The following MALRD1 variants were observed in gnomAD, a reference collection of about 807,000 sequenced individuals.
The protein encoded by MALRD1 is MAM and LDL-receptor class A domain-containing protein 1.
Under a neutral mutation model 242.1 loss-of-function variants are expected in MALRD1, and 247 were observed. That is an observed-to-expected ratio of 1.02 (90% CI 0.92 to 1.13). MALRD1 has a LOEUF of 1.13. Among genes scored for constraint, MALRD1 ranks in the 50% most tolerant of loss-of-function variants. The pLI is 0.00. For missense variants in MALRD1, 2,989 were observed against 2,533.1 expected, an observed-to-expected ratio of 1.18 and a Z score of -3.86; for synonymous variants, 995 against 866.6, an observed-to-expected ratio of 1.15 and a Z score of -2.60.
rs1835152973 is a variant in MALRD1, at chr10:19,071,686, TG to T, written c.340+4828del. Among the ~76,000 whole-genome samples, 4 of 152,124 alleles carry T rather than the reference TG, an allele frequency of 2.6e-5. No individual in the cohort carries two copies. In the South Asian group the frequency reaches 8.3e-4, roughly 32 times the overall value. On this transcript the variant is annotated intron_variant, in intron 2 of 39. Coordinates refer to ENST00000454679, the MANE Select transcript of MALRD1 (RefSeq NM_001142308.3). The stretch of plus-strand genomic sequence containing the variant: ...TATGTTGCCCTTTCTGAAGGGAAAC[TG>T]AGCCATAATCCATTCCTAAGTAATA...
intron 11 of MALRD1, among the ~76,000 whole-genome samples, chr10:19,149,264 C>G (rs540908436): frequency 6.6e-6 from 1 of 152,162 alleles, no homozygotes; most frequent in East Asian, 1.9e-4. Context: ...TACAGGTGCA[C>G]ACCACCACGC....
Position 19,088,105 on chromosome 10 carries a change from C to G in MALRD1, c.517C>G (p.His173Asp). 3 of 1,233,534 alleles carry G rather than the reference C, an allele frequency of 2.4e-6. No homozygotes were observed. The highest frequency in any genetic ancestry group is 2.0e-6 in the Non-Finnish European group (2 of 987,888). 76.4% of individuals were successfully genotyped at this position (1,233,534 alleles called of 1,614,324 possible). A position where few individuals can be genotyped will look rare whatever the true frequency, so the allele number is the denominator to read the frequency against. The change falls in exon 4 of 40, where the codon CAT (histidine) becomes GAT (aspartate). Residue 173 changes from histidine (H) to aspartate (D), a missense_variant. Physicochemically the swap from His to Asp is moderately conservative, Grantham distance 81 (BLOSUM62 -1). Transcript: ENST00000454679. ...LQTACGGPIQ[H>D]LWQNTAALPN... Reference sequence around the variant, plus strand: ...AACTGCATGTGGAGGTCCTATTCAGCATTTATGGCAAAACACAGCTGCACT... The same window carrying G: ...AACTGCATGTGGAGGTCCTATTCAGGATTTATGGCAAAACACAGCTGCACT...
At chr10:19,678,132 G>C (rs1278659460) in intron 36 of MALRD1, among the ~76,000 whole-genome samples, 3 of 152,116 alleles carry the variant, frequency 2.0e-5, no homozygotes, top group Non-Finnish European at 4.4e-5. Context: ...TTTTATCTTA[G>C]GATTGTCTTG....
chr10:19,669,566 G>A (rs570868996), intron 36 of MALRD1, among the ~76,000 whole-genome samples: 1 of 152,138 alleles, frequency 6.6e-6, no homozygotes, highest in Admixed American at 6.5e-5. Flanking sequence ...GGTACTCATA[G>A]TTTATCTAAT....
intron 26 of MALRD1, among the ~76,000 whole-genome samples, chr10:19,364,378 A>G (rs1845024751): frequency 6.6e-6 from 1 of 152,140 alleles, no homozygotes; most frequent in South Asian, 2.1e-4. Context: ...TATCACAAAT[A>G]TGTTCCTTAG....
intron 34 of MALRD1, among the ~76,000 whole-genome samples, chr10:19,601,551 A>G (rs1838342152): frequency 6.6e-6 from 1 of 152,092 alleles, no homozygotes; most frequent in South Asian, 2.1e-4. Flanking sequence ...CAAATTTCAT[A>G]AAGCCAAAGT....
chr10:19,266,482 C>A (rs963198800), intron 19 of MALRD1, among the ~76,000 whole-genome samples: 1 of 151,752 alleles, frequency 6.6e-6, no homozygotes, highest in African/African-American at 2.4e-5. Context: ...TAATTCCATA[C>A]AAAAATCCTA....
chr10:19,489,938 G>A (rs2131212083), intron 29 of MALRD1, among the ~76,000 whole-genome samples: 1 of 152,242 alleles, frequency 6.6e-6, no homozygotes, highest in South Asian at 2.1e-4. Context: ...GCTGTGAAAG[G>A]TCAAAAATTT....
intron 29 of MALRD1, among the ~76,000 whole-genome samples, chr10:19,463,436 G>A (rs4748583): frequency 0.81 from 123,498 of 151,652 alleles, 50,477 homozygotes; most frequent in East Asian, 1. Context: ...ACGAGTAAGA[G>A]CATAGGATGT....
chr10:19,731,851 A>C (rs1835310113), intron 39 of MALRD1, among the ~76,000 whole-genome samples: 1 of 152,224 alleles, frequency 6.6e-6, no homozygotes, highest in Non-Finnish European at 1.5e-5. Flanking sequence ...CTCTTTCTTT[A>C]TGAAAATAGG....
chr10:19,207,869 A>G (rs1836856693), intron 17 of MALRD1, among the ~76,000 whole-genome samples: 1 of 152,212 alleles, frequency 6.6e-6, no homozygotes, highest in South Asian at 2.1e-4. Context: ...TAGAACAATT[A>G]TAACAATATG....
At chr10:19,063,980 A>G (rs1192717027) in intron 1 of MALRD1, among the ~76,000 whole-genome samples, 1 of 151,772 alleles carries the variant, frequency 6.6e-6, no homozygotes, top group Non-Finnish European at 1.5e-5. Context: ...AATTAAAAAT[A>G]TTTTTCTTTC....
chr10:19,659,679 A>G (rs914028975), intron 36 of MALRD1, among the ~76,000 whole-genome samples: 2 of 152,076 alleles, frequency 1.3e-5, no homozygotes, highest in Non-Finnish European at 2.9e-5. Flanking sequence ...TTCTAACATA[A>G]TTGTAAGATT....
At chr10:19,518,095 C>T (rs1351393177) in intron 31 of MALRD1, among the ~76,000 whole-genome samples, 8 of 152,148 alleles carry the variant, frequency 5.3e-5, no homozygotes, top group Admixed American at 2.6e-4. Context: ...TGCCTTATTT[C>T]GGAATATTGT....
intron 21 of MALRD1, among the ~76,000 whole-genome samples, chr10:19,292,080 C>CAAAAAAAAAAAAAAAAAAA (rs756211363): frequency 1.1e-5 from 1 of 88,036 alleles, no homozygotes; most frequent in Non-Finnish European, 2.2e-5. Context: ...AAGACCGTCT[C>CAAAAAAAAAAAAAAAAAAA]AAAAAAAAAA....
At chr10:19,691,883 G>A (rs1231154379) in intron 36 of MALRD1, among the ~76,000 whole-genome samples, 2 of 152,084 alleles carry the variant, frequency 1.3e-5, no homozygotes, top group African/African-American at 4.8e-5. Flanking sequence ...ATTTGAATCT[G>A]CTCTGTTGGT....
intron 36 of MALRD1, among the ~76,000 whole-genome samples, chr10:19,628,085 G>A (rs1048866034): frequency 2.8e-4 from 43 of 151,854 alleles, no homozygotes; most frequent in Middle Eastern, 3.4e-3. Context: ...AAAGTAAGTC[G>A]TTGATATCCT....
chr10:19,501,410 A>G lies in MALRD1; in HGVS notation c.5320+2764A>G, dbSNP rs146978350. Among the ~76,000 whole-genome samples the G allele has an allele frequency of 2.3e-3, 343 of 152,336 alleles. 3 individuals carry two copies. Among genetic ancestry groups the G allele is most frequent in the Admixed American group, 5.9e-3 (91 of 15,300 alleles). On this transcript the variant is annotated intron_variant, in intron 31 of 39. Transcript: ENST00000454679. Reference sequence around the variant, plus strand: ...AACCCAGAGAAACAGCCTGGAAGCCAAGGTAACTTGTAAAATCCACAATGT... The same window carrying G: ...AACCCAGAGAAACAGCCTGGAAGCCGAGGTAACTTGTAAAATCCACAATGT...
intron 14 of MALRD1, among the ~76,000 whole-genome samples, chr10:19,182,169 A>G (rs1317851140): frequency 6.6e-6 from 1 of 152,068 alleles, no homozygotes; most frequent in Non-Finnish European, 1.5e-5. Context: ...GACTGTTACC[A>G]AATGTACATG....
Sources: allele counts gnomAD v4.1 joint callset (sites outside exome capture counted in the v4.1 genomes callset), GRCh38; gene constraint gnomAD v4.1.1; transcripts MANE v1.5; gene names NCBI Gene and HGNC (gene_info 2026-07-23, HGNC 2026-07-21).